CTDSPL: variants seen among roughly 807,000 people sequenced by gnomAD.
CTDSPL encodes CTD small phosphatase like, also known as CTD small phosphatase-like protein.
Under a neutral mutation model 30.5 loss-of-function variants are expected in CTDSPL, and 8 were observed. That is an observed-to-expected ratio of 0.26 (90% CI 0.15 to 0.47). The LOEUF is 0.47. Ranked by LOEUF, CTDSPL falls within the 20% of genes least tolerant of loss-of-function variation. The pLI is 0.99. For synonymous variants in CTDSPL, 110 were observed against 137.9 expected (o/e 0.80, Z 1.42); for missense variants, 248 against 366.1 (o/e 0.68, Z 2.63).
At chr3:37,915,477 T>A (rs1698635217) in intron 1 of CTDSPL, among the ~76,000 whole-genome samples, 1 of 152,210 alleles carries the variant, frequency 6.6e-6, no homozygotes. Context: ...CTTTATTTTC[T>A]GTCCTTGTGT....
intron 1 of CTDSPL, among the ~76,000 whole-genome samples, chr3:37,922,706 CCTT>C (rs1233600971): frequency 9.8e-5 from 15 of 152,316 alleles, no homozygotes; most frequent in African/African-American, 3.4e-4. Flanking sequence ...CTTTGTCACT[CCTT>C]ATTACATGAT....
chr3:37,889,229 C>T (rs1221930801), intron 1 of CTDSPL, among the ~76,000 whole-genome samples: 1 of 152,040 alleles, frequency 6.6e-6, no homozygotes, highest in African/African-American at 2.4e-5. Flanking sequence ...CCACACTGTG[C>T]CGTAGAGGGA....
At chr3:37,896,281 T>C (rs1698389127) in intron 1 of CTDSPL, among the ~76,000 whole-genome samples, 1 of 152,012 alleles carries the variant, frequency 6.6e-6, no homozygotes, top group Non-Finnish European at 1.5e-5. Flanking sequence ...TAAGCGCATA[T>C]TAGGTTTGAG....
chr3:37,894,709 A>G (rs1286398786), intron 1 of CTDSPL, among the ~76,000 whole-genome samples: 1 of 152,044 alleles, frequency 6.6e-6, no homozygotes, highest in Non-Finnish European at 1.5e-5. Context: ...AGACCTTTCA[A>G]TGTTGTCCTA....
At chr3:37,971,822 A>G (rs891327510) in intron 6 of CTDSPL, among the ~76,000 whole-genome samples, 2 of 152,158 alleles carry the variant, frequency 1.3e-5, no homozygotes, top group East Asian at 1.9e-4. Flanking sequence ...CCCCTCAACC[A>G]TTGACTGTCA....
rs1257692496 is a variant in CTDSPL, at chr3:37,922,453, G to A, written c.80-24604G>A. Among the ~76,000 whole-genome samples, 4 of 152,208 alleles carry A rather than the reference G, an allele frequency of 2.6e-5. No individual in the cohort carries two copies. The East Asian group carries it at 7.7e-4, about 29-fold the overall frequency. Reference sequence around the variant, plus strand: ...CCCAATTGAGGGACAGGAGTGACCAGTAAGATTCCTAATGGGAAGATAGAT... The same window carrying A: ...CCCAATTGAGGGACAGGAGTGACCAATAAGATTCCTAATGGGAAGATAGAT... On this transcript the variant is annotated intron_variant, in intron 1 of 7. Transcript: ENST00000273179.
At chr3:37,968,726 C>G (rs1336713763) in intron 5 of CTDSPL, among the ~76,000 whole-genome samples, 1 of 152,196 alleles carries the variant, frequency 6.6e-6, no homozygotes, top group Non-Finnish European at 1.5e-5. Context: ...TTCTTGAGTG[C>G]AAGGTGTCAG....
intron 7 of CTDSPL, among the ~76,000 whole-genome samples, chr3:37,976,430 G>A (rs1372327557): frequency 6.6e-6 from 1 of 151,968 alleles, no homozygotes. Context: ...TCAGGAGATC[G>A]AGACCATCCT....
At chr3:37,922,970 G>A (rs79831817) in intron 1 of CTDSPL, among the ~76,000 whole-genome samples, 487 of 152,328 alleles carry the variant, frequency 3.2e-3, no homozygotes, top group Non-Finnish European at 5.2e-3. Flanking sequence ...AGTTCACCAA[G>A]CTTCCTTCAC....
chr3:37,934,883 A>G (rs998175221), intron 1 of CTDSPL, among the ~76,000 whole-genome samples: 3 of 152,156 alleles, frequency 2.0e-5, no homozygotes, highest in Non-Finnish European at 2.9e-5. Flanking sequence ...TTTTATACCA[A>G]CGTGTTTCTA....
intron 2 of CTDSPL, among the ~76,000 whole-genome samples, chr3:37,951,662 C>G (rs1396559119): frequency 6.6e-6 from 1 of 150,820 alleles, no homozygotes; most frequent in African/African-American, 2.4e-5. Context: ...GCCTGGGTGA[C>G]AGAGCAAGAT....
intron 3 of CTDSPL, among the ~76,000 whole-genome samples, chr3:37,958,508 T>C (rs1699200440): frequency 6.6e-6 from 1 of 152,180 alleles, no homozygotes; most frequent in African/African-American, 2.4e-5. Context: ...CCACCTTCAA[T>C]ATCACTATTA....
At chr3:37,954,386 C>A (rs1559643319) in intron 2 of CTDSPL, 1 of 152,184 alleles carries the variant, frequency 6.6e-6, no homozygotes, top group Non-Finnish European at 1.5e-5. Flanking sequence ...TCTGGGAGAC[C>A]AGACGCCAAA....
intron 1 of CTDSPL, chr3:37,911,977 G>A: frequency 3.9e-6 from 1 of 257,764 alleles, no homozygotes; most frequent in Non-Finnish European, 7.9e-6. Context: ...CAGGAGAACT[G>A]CTTGAACCTG....
chr3:37,926,452 G>A (rs1698782623), intron 1 of CTDSPL, among the ~76,000 whole-genome samples: 1 of 152,174 alleles, frequency 6.6e-6, no homozygotes, highest in Non-Finnish European at 1.5e-5. Context: ...TTTGGCCTAG[G>A]TGATGTCAGT....
intron 1 of CTDSPL, among the ~76,000 whole-genome samples, chr3:37,875,414 A>T (rs747947440): frequency 1.3e-5 from 2 of 152,270 alleles, no homozygotes; most frequent in African/African-American, 2.4e-5. Context: ...AAGCACTTTA[A>T]AAATTGAAGA....
intron 1 of CTDSPL, among the ~76,000 whole-genome samples, chr3:37,884,325 T>C (rs1465895770): frequency 6.6e-6 from 1 of 152,204 alleles, no homozygotes; most frequent in Non-Finnish European, 1.5e-5. Context: ...CAGTGTAGGC[T>C]CTTCTGTGTT....
intron 1 of CTDSPL, among the ~76,000 whole-genome samples, chr3:37,872,058 C>T (rs946061545): frequency 6.6e-6 from 1 of 152,142 alleles, no homozygotes; most frequent in Admixed American, 6.5e-5. Flanking sequence ...GTGGTGTGAT[C>T]ATGGCTCACT....
intron 1 of CTDSPL, among the ~76,000 whole-genome samples, chr3:37,927,195 G>T (rs1417727568): frequency 6.6e-6 from 1 of 152,100 alleles, no homozygotes; most frequent in Non-Finnish European, 1.5e-5. Context: ...AATGGGCAAA[G>T]GGCTTGAATA....
Sources: gnomAD v4.1 joint callset for allele counts (sites outside exome capture counted in the v4.1 genomes callset) on GRCh38, gnomAD v4.1.1 for gene constraint, MANE v1.5 for transcripts, NCBI Gene and HGNC (gene_info 2026-07-23, HGNC 2026-07-21) for gene names.